ZNF488: variants seen among roughly 807,000 people sequenced by gnomAD.
ZNF488 encodes zinc finger protein 488.
ZNF488 carries 1 observed loss-of-function variant against 1.2 expected under a neutral mutation model. The observed-to-expected ratio is 0.86, with a 90% CI of 0.30 to 4.07. The LOEUF (loss-of-function observed/expected upper bound fraction) is 4.07. Ranked by LOEUF, ZNF488 falls within the 30% of genes most tolerant of loss-of-function variation. ZNF488 has a pLI of 0.18. For missense variants in ZNF488, 450 were observed against 437.9 expected (o/e 1.03, Z -0.25); for synonymous variants, 185 against 190.1 (o/e 0.97, Z 0.22).
rs1837607604 is a variant in ZNF488 at position 47,374,637 on chromosome 10, G to A, written c.-108-5700C>T. 3.3e-5 allele frequency among the ~76,000 whole-genome samples: 5 copies of A among 152,132 alleles called. No individual in the cohort carries two copies. In the South Asian group the frequency reaches 1.0e-3, roughly 32 times the overall value. ...GACCAAGCTTGGGAGCTCTCCAAGG[G>A]TCAGGGTAGCCAGAAAAAAAAGCCT... is the stretch of plus-strand genomic sequence containing the variant. On this transcript the variant is annotated intron_variant, in intron 1 of 1. Transcript: ENST00000585316.
intron 1 of ZNF488, among the ~76,000 whole-genome samples, chr10:47,377,816 C>T (rs1555214640): frequency 2.6e-5 from 4 of 152,146 alleles, no homozygotes; most frequent in Admixed American, 2.6e-4. Flanking sequence ...CTTCTGCCTG[C>T]CAGCTCTGAC....
intron 1 of ZNF488, among the ~76,000 whole-genome samples, chr10:47,379,503 C>T (rs1555214862): frequency 7.6e-6 from 1 of 132,200 alleles, no homozygotes; most frequent in African/African-American, 3.0e-5. Context: ...GACCTTTCAT[C>T]CCACCTGGGA....
Position 47,368,168 on chromosome 10 carries a change from T to C in ZNF488, c.662A>G (p.Gln221Arg). The change falls in exon 2 of 2, where the codon CAA (glutamine) becomes CGA (arginine). Residue 221 changes from glutamine (Q) to arginine (R), a missense_variant. Gln to Arg is a conservative substitution (Grantham distance 43, BLOSUM62 1). Coordinates refer to ENST00000585316, the MANE Select transcript of ZNF488 (RefSeq NM_153034.4). ...KLLVGDLWNL[Q>R]ALPQNAPLCS... is the part of the protein sequence containing the mutation. ...GAGTGGAGCATTCTGTGGCAATGCT[T>C]GCAAGTTCCACAAATCACCAACCAA... is the stretch of plus-strand genomic sequence containing the variant. The C allele has an allele frequency of 6.2e-7, 1 of 1,614,116 alleles. No individual in the cohort carries two copies. The highest frequency in any genetic ancestry group is 8.5e-7 in the Non-Finnish European group (1 of 1,180,018).
chr10:47,380,043 G>A (rs1318525334), intron 1 of ZNF488, among the ~76,000 whole-genome samples: 1 of 152,264 alleles, frequency 6.6e-6, no homozygotes, highest in South Asian at 2.1e-4. Flanking sequence ...TGCCCTAGAC[G>A]GCGATGGATC....
At position 47,377,318 on chromosome 10, in the gene ZNF488, A is replaced by G. The variant is rs1020880261; in HGVS notation, c.-109+6902T>C. On this transcript the variant is annotated intron_variant, in intron 1 of 1. Coordinates refer to ENST00000585316, the MANE Select transcript of ZNF488 (RefSeq NM_153034.4). ...TGTGCCTGGTACTGGAACTCTCTGA[A>G]TAGCTCAATCCCGGTCTTTTTTGAG... is the stretch of plus-strand genomic sequence containing the variant. 7.2e-5 allele frequency among the ~76,000 whole-genome samples: 11 copies of G among 152,142 alleles called. No individual in the cohort carries two copies. The East Asian group carries it at 1.7e-3, about 24-fold the overall frequency.
intron 1 of ZNF488, among the ~76,000 whole-genome samples, chr10:47,380,707 C>A (rs921778256): frequency 4.4e-5 from 5 of 114,338 alleles, no homozygotes; most frequent in Non-Finnish European, 7.9e-5. Flanking sequence ...TCTCAGGTAA[C>A]CTTCGAGCCT....
At position 47,381,711 on chromosome 10, in the gene ZNF488, T is replaced by C. The variant is rs538297133; in HGVS notation, c.-109+2509A>G. On this transcript the variant is annotated intron_variant, in intron 1 of 1. Coordinates refer to ENST00000585316, the MANE Select transcript of ZNF488 (RefSeq NM_153034.4). Reference sequence around the variant, plus strand: ...GAGAGTGGCCCTAGTGCAACATAACTTGGCCACGTCGACCCTCATAGGGGT... The same window carrying C: ...GAGAGTGGCCCTAGTGCAACATAACCTGGCCACGTCGACCCTCATAGGGGT... Among the ~76,000 whole-genome samples the C allele has an allele frequency of 3.9e-5, 6 of 152,388 alleles. No homozygotes were observed. The East Asian group carries it at 7.7e-4, about 20-fold the overall frequency.
At chr10:47,369,959 G>A (rs1311335076) in intron 1 of ZNF488, among the ~76,000 whole-genome samples, 3 of 152,238 alleles carry the variant, frequency 2.0e-5, no homozygotes, top group African/African-American at 7.2e-5. Flanking sequence ...CAACAGGACA[G>A]GAGCTCAGGA....
chr10:47,366,824 AG>A lies in ZNF488; in HGVS notation c.*982del, dbSNP rs1176221571. 1 of 166,956 alleles carries A rather than the reference AG, an allele frequency of 6.0e-6. No individual in the cohort carries two copies. The highest frequency in any genetic ancestry group is 6.6e-5 in the Admixed American group (1 of 15,262). 10.3% of individuals were successfully genotyped at this position (166,956 alleles called of 1,614,324 possible). On this transcript the variant is annotated 3_prime_UTR_variant, in exon 2 of 2. Transcript: ENST00000585316. ...AACAGCATGTGTGTAGGTGGTGGGGAGGGGGTTCTATTTCCCCGTATTCATA... is the reference window on the plus strand; with the variant it reads ...AACAGCATGTGTGTAGGTGGTGGGGAGGGGTTCTATTTCCCCGTATTCATA...
At position 47,367,840 on chromosome 10, in the gene ZNF488, G is replaced by A; in HGVS notation, c.990C>T (p.His330=). The stretch of plus-strand genomic sequence containing the variant: ...GAGAAGTCATGTGCCGGGAGAGGTG[G>A]TGGCGCTCCCGGAAGTGCTCCTGGC... ...PVCQEHFRER[H]HLSRHMTSHS The change falls in exon 2 of 2, where the codon CAC becomes CAT. Residue 330 remains histidine, a synonymous_variant. Transcript: ENST00000585316. The A allele has an allele frequency of 1.2e-6, 2 of 1,613,174 alleles. No individual in the cohort carries two copies. The highest frequency in any genetic ancestry group is 1.7e-6 in the Non-Finnish European group (2 of 1,179,772).
intron 1 of ZNF488, among the ~76,000 whole-genome samples, chr10:47,382,981 T>C (rs1471739208): frequency 6.6e-6 from 1 of 152,220 alleles, no homozygotes; most frequent in East Asian, 1.9e-4. Flanking sequence ...TTTGAACATA[T>C]AAATATGTAT....
intron 1 of ZNF488, among the ~76,000 whole-genome samples, chr10:47,379,090 A>C (rs782484678): frequency 8.5e-5 from 12 of 141,108 alleles, no homozygotes; most frequent in Admixed American, 2.8e-4. Flanking sequence ...TAATTGGAAG[A>C]AACCAGTTCT....
intron 1 of ZNF488, among the ~76,000 whole-genome samples, chr10:47,377,194 G>A (rs1445315734): frequency 6.6e-6 from 1 of 152,136 alleles, no homozygotes; most frequent in African/African-American, 2.4e-5. Context: ...AGGAATACGC[G>A]ATCTCTACGA....
intron 1 of ZNF488, among the ~76,000 whole-genome samples, chr10:47,383,408 T>C (rs1294236159): frequency 6.6e-6 from 1 of 152,116 alleles, no homozygotes; most frequent in Non-Finnish European, 1.5e-5. Flanking sequence ...CTGAATCCTG[T>C]CCCCTCCCTC....
At chr10:47,370,963 C>G (rs781871779) in intron 1 of ZNF488, among the ~76,000 whole-genome samples, 1 of 152,146 alleles carries the variant, frequency 6.6e-6, no homozygotes, top group Non-Finnish European at 1.5e-5. Flanking sequence ...GTGCGAGGCG[C>G]GGTAGTGACA....
Position 47,383,884 on chromosome 10 carries a change from G to T in ZNF488, c.-109+336C>A, listed in dbSNP as rs554903397. ...GAATTCTTGAGTGCTGAAAAAACAG[G>T]GGGGAGAGGGAGAAGGTAGGGGAGA... is the stretch of plus-strand genomic sequence containing the variant. On this transcript the variant is annotated intron_variant, in intron 1 of 1. Coordinates refer to ENST00000585316, the MANE Select transcript of ZNF488 (RefSeq NM_153034.4). Among the ~76,000 whole-genome samples, 44 of 150,904 alleles carry T rather than the reference G, an allele frequency of 2.9e-4. No individual in the cohort carries two copies. The South Asian group carries it at 9.1e-3, about 31-fold the overall frequency.
intron 1 of ZNF488, among the ~76,000 whole-genome samples, chr10:47,380,473 A>C (rs1337600864): frequency 6.6e-6 from 1 of 152,300 alleles, no homozygotes; most frequent in African/African-American, 2.4e-5. Flanking sequence ...AACACAGAGC[A>C]CATCTCCCAA....
rs1837328601 is a variant in ZNF488, at chr10:47,368,577, G to C, written c.253C>G (p.Pro85Ala). The change falls in exon 2 of 2, where the codon CCT becomes GCT. Residue 85 changes from proline (P) to alanine (A), a missense_variant. Transcript: ENST00000585316. The part of the protein sequence containing the change: ...ALLVAPGKPR[P>A]GKPLPPKTRG... Reference sequence around the variant, plus strand: ...GTCTTCGGGGGCAGCGGCTTGCCAGGTCGGGGCTTGCCTGGGGCTACCAAC... The same window carrying C: ...GTCTTCGGGGGCAGCGGCTTGCCAGCTCGGGGCTTGCCTGGGGCTACCAAC... 1 of 1,611,482 alleles carries C rather than the reference G, an allele frequency of 6.2e-7. No individual in the cohort carries two copies.
intron 1 of ZNF488, among the ~76,000 whole-genome samples, chr10:47,369,653 T>C (rs899780926): frequency 6.6e-6 from 1 of 151,970 alleles, no homozygotes; most frequent in Non-Finnish European, 1.5e-5. Flanking sequence ...CTTGTGAGAG[T>C]CAAGTGTCCC....
Sources: gnomAD v4.1 joint callset for allele counts (sites outside exome capture counted in the v4.1 genomes callset) on GRCh38, gnomAD v4.1.1 for gene constraint, MANE v1.5 for transcripts, NCBI Gene and HGNC (gene_info 2026-07-23, HGNC 2026-07-21) for gene names.